The following DKK2 variants were observed in gnomAD, a reference collection of about 807,000 sequenced individuals.
The protein encoded by DKK2 is dickkopf Wnt signaling pathway inhibitor 2.
In DKK2, 11 loss-of-function variants were observed where a neutral mutation model predicts 28.1. The ratio of observed to expected loss-of-function variants is 0.39; its 90% CI spans 0.25 to 0.65. The LOEUF (loss-of-function observed/expected upper bound fraction) is 0.65, where lower values mean the gene tolerates loss of function less well. Among genes scored for constraint, DKK2 ranks in the 30% least tolerant of loss-of-function variants. DKK2 has a pLI of 0.47. For synonymous variants in DKK2, 135 were observed against 126.5 expected (o/e 1.07, Z -0.45); for missense variants, 326 against 335.5 (o/e 0.97, Z 0.22).
At chr4:106,944,102 G>A (rs1724742157) in intron 1 of DKK2, among the ~76,000 whole-genome samples, 1 of 151,918 alleles carries the variant, frequency 6.6e-6, no homozygotes, top group Admixed American at 6.6e-5. Context: ...AAACATCTTG[G>A]GGGTGCATAG....
rs1400806769 is a variant in DKK2, at chr4:107,035,621, C to CAAA, written c.-33_-31dup. ...CGGCGAGGGGGTCCCCAGGAAGACG[C>CAAA]AAAGCCCGGAGGGGTGGGAATGCAA... is the stretch of plus-strand genomic sequence containing the variant. On this transcript the variant is annotated 5_prime_UTR_variant, in exon 1 of 4. Transcript: ENST00000285311. The CAAA allele has an allele frequency of 6.2e-7, 1 of 1,610,924 alleles. No homozygotes were observed.
At chr4:106,925,298 T>G (rs949431262) in intron 2 of DKK2, among the ~76,000 whole-genome samples, 1 of 152,238 alleles carries the variant, frequency 6.6e-6, no homozygotes, top group Admixed American at 6.5e-5. Context: ...TTCATCATTA[T>G]TACTGAATTG....
At chr4:106,972,809 A>G (rs777064727) in intron 1 of DKK2, among the ~76,000 whole-genome samples, 9 of 152,152 alleles carry the variant, frequency 5.9e-5, no homozygotes, top group Non-Finnish European at 1.3e-4. Context: ...TTACATAGGT[A>G]TGCATGTGCC....
intron 1 of DKK2, among the ~76,000 whole-genome samples, chr4:106,958,794 G>A (rs1311857637): frequency 4.1e-5 from 6 of 145,246 alleles, no homozygotes; most frequent in Middle Eastern, 7.6e-3. Flanking sequence ...CCAAGATCGC[G>A]CCACTGCACT....
intron 1 of DKK2, among the ~76,000 whole-genome samples, chr4:106,983,037 TGAAAGAAA>T (rs201972964): frequency 2.9e-5 from 3 of 104,316 alleles, no homozygotes; most frequent in Non-Finnish European, 6.3e-5. Flanking sequence ...AGAAGAAAGA[TGAAAGAAA>T]GAAAGAAAGA....
chr4:106,935,496 A>ATT, intron 1 of DKK2, among the ~76,000 whole-genome samples: 1 of 152,196 alleles, frequency 6.6e-6, no homozygotes, highest in East Asian at 1.9e-4. Flanking sequence ...TTGCTAGCAC[A>ATT]GCAGTCTGAG....
chr4:106,943,032 C>T (rs532246489), intron 1 of DKK2, among the ~76,000 whole-genome samples: 1 of 152,242 alleles, frequency 6.6e-6, no homozygotes, highest in Admixed American at 6.6e-5. Flanking sequence ...GGACTCATTG[C>T]ATTTGCAAAG....
At chr4:106,933,505 G>A (rs1188085600) in intron 1 of DKK2, among the ~76,000 whole-genome samples, 3 of 152,236 alleles carry the variant, frequency 2.0e-5, no homozygotes, top group South Asian at 2.1e-4. Flanking sequence ...TGGGAGGAAC[G>A]CTGTGTGGAC....
rs562109676 is a variant in DKK2 at position 106,976,567 on chromosome 4, CT to C, written c.223-50619del. ...TCAGAGACTAGGATTGCAACCTCTGCTTTTTTTTCTTTCCACTTGCTTGGTA... is the reference window on the plus strand; with the variant it reads ...TCAGAGACTAGGATTGCAACCTCTGCTTTTTTTCTTTCCACTTGCTTGGTA... On this transcript the variant is annotated intron_variant, in intron 1 of 3. Transcript: ENST00000285311. Among the ~76,000 whole-genome samples, 239 of 152,080 alleles carry C rather than the reference CT, an allele frequency of 1.6e-3. 1 individual carries two copies. Among genetic ancestry groups the C allele is most frequent in the South Asian group, 4.8e-3 (23 of 4,806 alleles).
chr4:107,024,759 T>G (rs112093136), intron 1 of DKK2, among the ~76,000 whole-genome samples: 1 of 152,194 alleles, frequency 6.6e-6, no homozygotes, highest in Non-Finnish European at 1.5e-5. Flanking sequence ...AACTAAGGCT[T>G]AACGGTGTTA....
In DKK2 at chr4:106,962,489, CTATGTG is replaced by C. The variant is rs1162744318; in HGVS notation, c.223-36546_223-36541del. Among the ~76,000 whole-genome samples, 55 of 113,124 alleles carry C rather than the reference CTATGTG, an allele frequency of 4.9e-4. 1 individual carries two copies. Among genetic ancestry groups the C allele is most frequent in the Admixed American group, 8.8e-4 (9 of 10,242 alleles). The allele number at this position is 113,124 out of a possible 152,430, so 74.2% of individuals were successfully genotyped here. On this transcript the variant is annotated intron_variant, in intron 1 of 3. Transcript: ENST00000285311. ...TCTTCAAGAAATGGAGCCAGAAAAACTATGTGTGTGTGTGTGTGTGTGTGTGTGTGT... is the reference window on the plus strand; with the variant it reads ...TCTTCAAGAAATGGAGCCAGAAAAACTGTGTGTGTGTGTGTGTGTGTGTGT...
Position 106,976,422 on chromosome 4 carries a change from C to G in DKK2, c.223-50473G>C, listed in dbSNP as rs1722946144. Among the ~76,000 whole-genome samples the G allele has an allele frequency of 1.3e-5, 2 of 152,206 alleles. 1 individual carries two copies. Among genetic ancestry groups the G allele is most frequent in the Non-Finnish European group, 2.9e-5 (2 of 68,000 alleles). ...AACTTGCTTTATGAATCTGGGTGCT[C>G]CTGTATTTGGTGCATATATATTTAG... On this transcript the variant is annotated intron_variant, in intron 1 of 3. Coordinates refer to ENST00000285311, the MANE Select transcript of DKK2 (RefSeq NM_014421.3).
intron 1 of DKK2, among the ~76,000 whole-genome samples, chr4:106,943,509 A>T (rs1325933739): frequency 2.0e-5 from 3 of 152,138 alleles, no homozygotes; most frequent in Non-Finnish European, 4.4e-5. Context: ...GGATATTTTT[A>T]AATTGATTTT....
intron 1 of DKK2, among the ~76,000 whole-genome samples, chr4:106,999,900 A>G (rs1262365044): frequency 6.6e-6 from 1 of 152,212 alleles, no homozygotes. Flanking sequence ...ACTATGGTAG[A>G]AATAAATGCT....
At chr4:107,008,426 G>T (rs1192302421) in intron 1 of DKK2, among the ~76,000 whole-genome samples, 2 of 151,938 alleles carry the variant, frequency 1.3e-5, no homozygotes, top group African/African-American at 2.4e-5. Context: ...AAGGAAATCT[G>T]GTTTTGAGAA....
At chr4:106,924,768 C>A in intron 2 of DKK2, 68 bp from the exon 3 acceptor site, 1 of 1,450,844 alleles carries the variant, frequency 6.9e-7, no homozygotes, top group Non-Finnish European at 9.4e-7. Context: ...TCCACATACT[C>A]TCTTGATGTG....
intron 1 of DKK2, among the ~76,000 whole-genome samples, chr4:107,018,188 T>C (rs181575846): frequency 7.9e-5 from 12 of 152,202 alleles, no homozygotes; most frequent in Admixed American, 7.9e-4. Flanking sequence ...AGTATAACTG[T>C]TGTCACTAGC....
chr4:106,982,073 G>A (rs976443442), intron 1 of DKK2, among the ~76,000 whole-genome samples: 4 of 152,068 alleles, frequency 2.6e-5, no homozygotes, highest in Non-Finnish European at 5.9e-5. Context: ...CTAGTTCACA[G>A]AACAAATATT....
At chr4:106,987,770 A>G (rs1450739808) in intron 1 of DKK2, among the ~76,000 whole-genome samples, 1 of 151,836 alleles carries the variant, frequency 6.6e-6, no homozygotes, top group Non-Finnish European at 1.5e-5. Context: ...TAGCTACCTC[A>G]TATCTTCACA....
Sources: allele counts gnomAD v4.1 joint callset (sites outside exome capture counted in the v4.1 genomes callset), GRCh38; gene constraint gnomAD v4.1.1; transcripts MANE v1.5; gene names NCBI Gene and HGNC (gene_info 2026-07-23, HGNC 2026-07-21).